Variants in ZBTB38 observed in about 807,000 individuals in gnomAD.
ZBTB38 encodes zinc finger and BTB domain containing 38.
Under a neutral mutation model 76.8 loss-of-function variants are expected in ZBTB38, and 20 were observed. The observed-to-expected ratio is 0.26, with a 90% CI of 0.18 to 0.38. ZBTB38 has a LOEUF of 0.38. ZBTB38 is among the 10% of genes least tolerant of loss of function. ZBTB38 has a pLI of 1.00. For synonymous variants in ZBTB38, 504 were observed against 544.2 expected, an observed-to-expected ratio of 0.93 and a Z score of 1.03; for missense variants, 1,082 against 1,482.3, an observed-to-expected ratio of 0.73 and a Z score of 4.43.
At chr3:141,345,268 CTT>C (rs879866094) in intron 1 of ZBTB38, among the ~76,000 whole-genome samples, 1 of 144,626 alleles carries the variant, frequency 6.9e-6, no homozygotes. Context: ...GATGGCAGAA[CTT>C]TTTTTTTTTT....
At chr3:141,343,086 A>C (rs2148912439) in intron 1 of ZBTB38, among the ~76,000 whole-genome samples, 1 of 152,272 alleles carries the variant, frequency 6.6e-6, no homozygotes, top group South Asian at 2.1e-4. Context: ...AGTTTCATAC[A>C]TTTTGGGCAT....
intron 1 of ZBTB38, among the ~76,000 whole-genome samples, chr3:141,343,633 G>A (rs1398067526): frequency 1.3e-5 from 2 of 152,138 alleles, no homozygotes; most frequent in East Asian, 1.9e-4. Context: ...ATTATCCTCA[G>A]CCCCTGTTGG....
chr3:141,429,765 C>T (rs1331177448), intron 5 of ZBTB38, among the ~76,000 whole-genome samples: 1 of 152,208 alleles, frequency 6.6e-6, no homozygotes, highest in Non-Finnish European at 1.5e-5. Flanking sequence ...TTGAGCTGGG[C>T]CTGAAGCACG....
intron 1 of ZBTB38, among the ~76,000 whole-genome samples, chr3:141,346,296 A>C (rs1943350670): frequency 1.3e-5 from 2 of 152,170 alleles, no homozygotes; most frequent in African/African-American, 4.8e-5. Flanking sequence ...GCCAGAGCTG[A>C]TAACCTGTTA....
intron 2 of ZBTB38, among the ~76,000 whole-genome samples, chr3:141,378,347 T>A (rs1945692010): frequency 6.9e-6 from 1 of 145,470 alleles, no homozygotes; most frequent in Non-Finnish European, 1.5e-5. Flanking sequence ...TGCATAGAAC[T>A]GTAGACATAC....
rs1953341479 is a variant in ZBTB38, at chr3:141,403,984, C to T, written c.-48C>T. 1 of 152,088 alleles carries T rather than the reference C, an allele frequency of 6.6e-6. No individual in the cohort carries two copies. Among genetic ancestry groups the T allele is most frequent in the Non-Finnish European group, 1.5e-5 (1 of 68,014 alleles). The allele number at this position is 152,088 out of a possible 1,614,324, so 9.4% of individuals were successfully genotyped here. A position where few individuals can be genotyped will look rare whatever the true frequency, so the allele number is the denominator to read the frequency against. ...CCAAGGATTTCCAAGTGATTTCTTC[C>T]AAAGCACAGGAATCTCACTCTGTTA... On this transcript the variant is annotated 5_prime_UTR_variant, in exon 5 of 6. An upstream open reading frame in the 5' UTR gains an earlier in-frame stop. Transcript: ENST00000321464.
At chr3:141,360,325 C>T (rs1304594696) in intron 1 of ZBTB38, among the ~76,000 whole-genome samples, 1 of 152,166 alleles carries the variant, frequency 6.6e-6, no homozygotes, top group Non-Finnish European at 1.5e-5. Flanking sequence ...CCCCTGTGTG[C>T]CTTGATGCTT....
At chr3:141,379,674 C>T (rs916802384) in intron 2 of ZBTB38, among the ~76,000 whole-genome samples, 15 of 152,136 alleles carry the variant, frequency 9.9e-5, no homozygotes, top group African/African-American at 2.4e-4. Context: ...TACTGAACAA[C>T]GGAAAATGAA....
Position 141,448,946 on chromosome 3 carries a change from T to C in ZBTB38, c.*2970T>C, listed in dbSNP as rs966317479. 1 of 152,220 alleles carries C rather than the reference T, an allele frequency of 6.6e-6. No individual in the cohort carries two copies. Among genetic ancestry groups the C allele is most frequent in the Admixed American group, 6.5e-5 (1 of 15,284 alleles). 9.4% of individuals were successfully genotyped at this position (152,220 alleles called of 1,614,324 possible). The stretch of plus-strand genomic sequence containing the variant: ...TTGGATAGGCCTGATCTTATAATGA[T>C]AAATCAGAGAATGAAATGCTCTCCA... On this transcript the variant is annotated 3_prime_UTR_variant, in exon 6 of 6. Coordinates refer to ENST00000321464, the MANE Select transcript of ZBTB38 (RefSeq NM_001376113.1).
intron 4 of ZBTB38, among the ~76,000 whole-genome samples, chr3:141,401,380 C>T (rs201681736): frequency 5.8e-5 from 6 of 103,248 alleles, no homozygotes; most frequent in Non-Finnish European, 8.6e-5. Flanking sequence ...CAAAACTCTT[C>T]CTTTTATTTT....
At chr3:141,411,086 G>T (rs1221846608) in intron 5 of ZBTB38, among the ~76,000 whole-genome samples, 1 of 152,104 alleles carries the variant, frequency 6.6e-6, no homozygotes, top group Non-Finnish European at 1.5e-5. Context: ...CTGTTCATGT[G>T]TTAGAACAAC....
chr3:141,408,874 A>G (rs1364635296), intron 5 of ZBTB38, among the ~76,000 whole-genome samples: 2 of 152,144 alleles, frequency 1.3e-5, no homozygotes, highest in Non-Finnish European at 2.9e-5. Context: ...TTCTCTCTCT[A>G]TACCCACAGC....
At chr3:141,416,470 C>T (rs1010014265) in intron 5 of ZBTB38, among the ~76,000 whole-genome samples, 2 of 152,150 alleles carry the variant, frequency 1.3e-5, no homozygotes, top group African/African-American at 4.8e-5. Flanking sequence ...TGAGCTGGCT[C>T]GCTCTCCCTT....
intron 1 of ZBTB38, among the ~76,000 whole-genome samples, chr3:141,352,263 G>A (rs1272349758): frequency 6.6e-6 from 1 of 152,126 alleles, no homozygotes; most frequent in Non-Finnish European, 1.5e-5. Context: ...TGAAGTGAGA[G>A]AGGGAGACGT....
chr3:141,325,784 A>G (rs757262468), intron 1 of ZBTB38, among the ~76,000 whole-genome samples: 5 of 152,186 alleles, frequency 3.3e-5, no homozygotes, highest in Non-Finnish European at 7.3e-5. Flanking sequence ...ACAAACAAAC[A>G]CTCTTGATAA....
chr3:141,369,676 T>G (rs558435541), intron 1 of ZBTB38, among the ~76,000 whole-genome samples, 196 bp from the exon 2 acceptor site: 3 of 152,296 alleles, frequency 2.0e-5, no homozygotes, highest in Admixed American at 2.0e-4. Flanking sequence ...TCTTCAGAAA[T>G]TCTATGTTAA....
chr3:141,393,906 C>G (rs1949645740), intron 4 of ZBTB38, among the ~76,000 whole-genome samples: 1 of 152,188 alleles, frequency 6.6e-6, no homozygotes, highest in African/African-American at 2.4e-5. Context: ...TTAATGGCCC[C>G]ACGTTGGCGA....
At chr3:141,420,074 G>T (rs1377653086) in intron 5 of ZBTB38, among the ~76,000 whole-genome samples, 1 of 152,198 alleles carries the variant, frequency 6.6e-6, no homozygotes, top group East Asian at 1.9e-4. Flanking sequence ...GGTTGAGAAG[G>T]TTGGTCTTTG....
intron 4 of ZBTB38, chr3:141,389,463 T>TTA (rs1435450143): frequency 2.0e-5 from 3 of 151,834 alleles, no homozygotes; most frequent in Non-Finnish European, 1.5e-5. Flanking sequence ...TTTTTTTTTT[T>TTA]TTTTGGCTGT....
Sources: gnomAD v4.1 joint callset for allele counts (sites outside exome capture counted in the v4.1 genomes callset) on GRCh38, gnomAD v4.1.1 for gene constraint, MANE v1.5 for transcripts, NCBI Gene and HGNC (gene_info 2026-07-23, HGNC 2026-07-21) for gene names.